Variants in GPC5 observed in about 807,000 individuals in gnomAD.
The protein encoded by GPC5 is glypican-5.
Under a neutral mutation model 53.9 loss-of-function variants are expected in GPC5, and 47 were observed. That is an observed-to-expected ratio of 0.87 (90% CI 0.69 to 1.11). The LOEUF is 1.11. Ranked by LOEUF, GPC5 falls within the 50% of genes most tolerant of loss-of-function variation. GPC5 has a pLI of 0.00. For synonymous variants in GPC5, 286 were observed against 263.3 expected, an observed-to-expected ratio of 1.09 and a Z score of -0.84; for missense variants, 748 against 713.1, an observed-to-expected ratio of 1.05 and a Z score of -0.56.
At chr13:91,478,881 T>TTTTA (rs562726720) in intron 2 of GPC5, among the ~76,000 whole-genome samples, 2 of 67,500 alleles carry the variant, frequency 3.0e-5, no homozygotes, top group Non-Finnish European at 5.1e-5. Context: ...TATATACACA[T>TTTTA]TATATATATA....
At chr13:91,842,425 G>T (rs934880916) in intron 5 of GPC5, among the ~76,000 whole-genome samples, 5 of 135,490 alleles carry the variant, frequency 3.7e-5, no homozygotes, top group African/African-American at 8.4e-5. Context: ...TTATTTAGCC[G>T]GGCGCGGTGG....
chr13:92,585,264 A>AG (rs1883502554), intron 7 of GPC5, among the ~76,000 whole-genome samples: 1 of 152,188 alleles, frequency 6.6e-6, no homozygotes. Flanking sequence ...GCAAAGCCAC[A>AG]GGGGTGGAGG....
chr13:91,595,657 A>T (rs989047197), intron 2 of GPC5, among the ~76,000 whole-genome samples: 2 of 152,086 alleles, frequency 1.3e-5, no homozygotes, highest in Admixed American at 1.3e-4. Context: ...AAGCAGGCGC[A>T]TTTGTTCTAG....
chr13:92,219,362 A>G (rs1390269728), intron 7 of GPC5, among the ~76,000 whole-genome samples: 1 of 152,056 alleles, frequency 6.6e-6, no homozygotes, highest in African/African-American at 2.4e-5. Context: ...TAGGGTTTAG[A>G]TCTCTTACCT....
intron 5 of GPC5, among the ~76,000 whole-genome samples, chr13:91,801,915 C>T (rs2038142270): frequency 6.6e-6 from 1 of 152,124 alleles, no homozygotes; most frequent in African/African-American, 2.4e-5. Flanking sequence ...TTCATCATAC[C>T]ACATTCCTAA....
chr13:92,637,315 T>C (rs1228954902), intron 7 of GPC5, among the ~76,000 whole-genome samples: 1 of 152,108 alleles, frequency 6.6e-6, no homozygotes, highest in Non-Finnish European at 1.5e-5. Flanking sequence ...CAGAAAACTA[T>C]CCACAGAGAG....
At chr13:91,770,630 C>G (rs527856664) in intron 5 of GPC5, among the ~76,000 whole-genome samples, 6 of 151,458 alleles carry the variant, frequency 4.0e-5, no homozygotes, top group Non-Finnish European at 8.8e-5. Flanking sequence ...GGTCAAGGAC[C>G]AAATATTAGA....
At chr13:91,813,940 T>G (rs975208534) in intron 5 of GPC5, among the ~76,000 whole-genome samples, 19 of 128,862 alleles carry the variant, frequency 1.5e-4, no homozygotes, top group East Asian at 8.5e-4. Context: ...TTTTTTTTTT[T>G]TTTTTTTTTT....
chr13:91,576,313 C>T (rs1376208532), intron 2 of GPC5, among the ~76,000 whole-genome samples: 2 of 32,592 alleles, frequency 6.1e-5, no homozygotes, highest in Non-Finnish European at 1.4e-4. Flanking sequence ...TTAGCCAATA[C>T]ACAATGTGTA....
intron 7 of GPC5, among the ~76,000 whole-genome samples, chr13:92,363,271 C>G (rs1055585786): frequency 6.6e-6 from 1 of 151,542 alleles, no homozygotes; most frequent in Non-Finnish European, 1.5e-5. Flanking sequence ...TGTTACTGGG[C>G]TACTGGATAG....
At chr13:92,629,268 T>C (rs1360234564) in intron 7 of GPC5, among the ~76,000 whole-genome samples, 1 of 152,214 alleles carries the variant, frequency 6.6e-6, no homozygotes, top group Non-Finnish European at 1.5e-5. Flanking sequence ...GTCATTCCCA[T>C]AACAGCCTAG....
chr13:91,773,719 AG>A (rs2037664231), intron 5 of GPC5, among the ~76,000 whole-genome samples: 3 of 152,310 alleles, frequency 2.0e-5, no homozygotes, highest in African/African-American at 7.2e-5. Context: ...AGAACGTAAA[AG>A]CTTGAGGACT....
chr13:92,720,626 A>C (rs1187108802), intron 7 of GPC5, among the ~76,000 whole-genome samples: 3 of 152,196 alleles, frequency 2.0e-5, no homozygotes, highest in Non-Finnish European at 4.4e-5. Flanking sequence ...CATAACGTAC[A>C]TAAATGCAAA....
intron 6 of GPC5, among the ~76,000 whole-genome samples, chr13:92,037,450 G>C (rs894285093): frequency 1.1e-4 from 16 of 152,050 alleles, no homozygotes; most frequent in African/African-American, 3.9e-4. Flanking sequence ...CATGAACCTT[G>C]TAAACCTCAT....
intron 7 of GPC5, among the ~76,000 whole-genome samples, chr13:92,198,726 C>T (rs929265464): frequency 3.3e-5 from 5 of 152,020 alleles, no homozygotes; most frequent in South Asian, 2.1e-4. Flanking sequence ...AGTGGGCATT[C>T]GTACAATCTT....
At chr13:91,439,683 G>T (rs1411530491) in intron 1 of GPC5, among the ~76,000 whole-genome samples, 1 of 151,946 alleles carries the variant, frequency 6.6e-6, no homozygotes. Flanking sequence ...TAAAATCTAA[G>T]GATTATCCTT....
At chr13:92,495,927 C>T (rs1051857529) in intron 7 of GPC5, among the ~76,000 whole-genome samples, 10 of 151,944 alleles carry the variant, frequency 6.6e-5, no homozygotes, top group African/African-American at 1.5e-4. Context: ...TTTAAAGTTA[C>T]GCTAACTCCA....
intron 5 of GPC5, among the ~76,000 whole-genome samples, chr13:91,841,744 T>C (rs2038790454): frequency 6.6e-6 from 1 of 151,614 alleles, no homozygotes; most frequent in Admixed American, 6.6e-5. Context: ...GAAGAAAGGA[T>C]GGGAGGAAGG....
At chr13:92,516,381 A>T (rs951987469) in intron 7 of GPC5, among the ~76,000 whole-genome samples, 1 of 152,180 alleles carries the variant, frequency 6.6e-6, no homozygotes, top group Non-Finnish European at 1.5e-5. Flanking sequence ...AGTTAAATTT[A>T]AAAAATACAA....
Sources: allele counts gnomAD v4.1 joint callset (sites outside exome capture counted in the v4.1 genomes callset), GRCh38; gene constraint gnomAD v4.1.1; transcripts MANE v1.5; gene names NCBI Gene and HGNC (gene_info 2026-07-23, HGNC 2026-07-21).